The following ANXA2 variants were observed in gnomAD, a reference collection of about 807,000 sequenced individuals.
ANXA2 encodes annexin A2, also known as annexin II.
In ANXA2, 28 loss-of-function variants were observed where a neutral mutation model predicts 47.3. The observed-to-expected ratio is 0.59, with a 90% CI of 0.44 to 0.81. ANXA2 has a LOEUF of 0.81. ANXA2 is among the 40% of genes least tolerant of loss of function. The pLI is 0.00. For missense variants in ANXA2, 384 were observed against 414.3 expected (o/e 0.93, Z 0.64); for synonymous variants, 172 against 155.5 (o/e 1.11, Z -0.79).
intron 3 of ANXA2, among the ~76,000 whole-genome samples, chr15:60,365,105 T>C (rs1367217191): frequency 7.1e-6 from 1 of 141,766 alleles, no homozygotes; most frequent in Non-Finnish European, 1.6e-5. Context: ...GAAGACAAAA[T>C]TGTTTTGTAA....
rs1237196271 is a variant in ANXA2 at position 60,352,265 on chromosome 15, G to T, written c.682+118C>A. The T allele has an allele frequency of 1.5e-6, 1 of 655,518 alleles. No homozygotes were observed. Among genetic ancestry groups the T allele is most frequent in the Admixed American group, 2.9e-5 (1 of 34,752 alleles). The allele number at this position is 655,518 out of a possible 1,614,324, so 40.6% of individuals were successfully genotyped here. On this transcript the variant is annotated intron_variant, in intron 9 of 12. Transcript: ENST00000451270. This position sits in a 1 kb window ranked among gnomAD's most constrained non-coding sequence, Gnocchi z 4.2. ...GGTGAGGGAAAATGGGTGAGCCTATGAGAGTGCCAAGCGGAGACAGAACCT... is the reference window on the plus strand; with the variant it reads ...GGTGAGGGAAAATGGGTGAGCCTATTAGAGTGCCAAGCGGAGACAGAACCT...
chr15:60,386,371 C>A, intron 1 of ANXA2: 1 of 334,754 alleles, frequency 3.0e-6, no homozygotes, highest in Non-Finnish European at 5.5e-6. Flanking sequence ...AAATGTTCCC[C>A]ATGGCTAATG....
In ANXA2 at chr15:60,349,137, T is replaced by A; in HGVS notation, c.898A>T (p.Met300Leu). 1 of 1,614,080 alleles carries A rather than the reference T, an allele frequency of 6.2e-7. No individual in the cohort carries two copies. The highest frequency in any genetic ancestry group is 2.2e-5 in the East Asian group (1 of 44,880). Reference protein sequence around the residue: ...RIMVSRSEVDMLKIRSEFKRK... With the variant: ...RIMVSRSEVDLLKIRSEFKRK... ...TTGAATTCAGACCTAATTTTCAACA[T>A]GTCCACTTCACTGCGGGAGACCATG... The change falls in exon 12 of 13, where the codon ATG (methionine) becomes TTG (leucine). Residue 300 changes from methionine to leucine, a missense_variant. Coordinates refer to ENST00000451270, the MANE Select transcript of ANXA2 (RefSeq NM_004039.3).
At chr15:60,353,986 T>A (rs1459899138) in intron 8 of ANXA2, among the ~76,000 whole-genome samples, 168 bp downstream of exon 8, 1 of 152,218 alleles carries the variant, frequency 6.6e-6, no homozygotes, top group Non-Finnish European at 1.5e-5. Flanking sequence ...ACAATTGGGC[T>A]AATCTACTCC....
At chr15:60,378,458 C>A (rs922366568) in intron 3 of ANXA2, among the ~76,000 whole-genome samples, 3 of 152,128 alleles carry the variant, frequency 2.0e-5, no homozygotes, top group Non-Finnish European at 4.4e-5. Flanking sequence ...AGGAAGTATA[C>A]CTCAAGACAT....
intron 5 of ANXA2, among the ~76,000 whole-genome samples, chr15:60,357,753 C>T (rs1270994529): frequency 6.6e-6 from 1 of 151,036 alleles, no homozygotes; most frequent in Non-Finnish European, 1.5e-5. Context: ...GAGATCGCGC[C>T]ACTGCACTCC....
chr15:60,365,846 C>CTCCCCT, intron 3 of ANXA2, among the ~76,000 whole-genome samples: 1 of 15,140 alleles, frequency 6.6e-5, no homozygotes, highest in East Asian at 9.9e-4. Context: ...CCCTCTCCCT[C>CTCCCCT]TCCCCCTCCC....
intron 3 of ANXA2, among the ~76,000 whole-genome samples, chr15:60,368,174 C>T (rs930361817): frequency 1.4e-5 from 2 of 147,148 alleles, no homozygotes; most frequent in Non-Finnish European, 3.0e-5. Context: ...ACAAACACTG[C>T]GGGAGGCCGC....
chr15:60,385,731 A>G (rs2062923470), intron 2 of ANXA2: 1 of 307,990 alleles, frequency 3.2e-6, no homozygotes, highest in East Asian at 6.2e-5. Flanking sequence ...GTCATGTACC[A>G]TCATAACAGT....
chr15:60,367,134 C>A (rs2062630402), intron 3 of ANXA2, among the ~76,000 whole-genome samples: 3 of 82,182 alleles, frequency 3.7e-5, no homozygotes, highest in Non-Finnish European at 7.5e-5. Context: ...GGTCAGCCCC[C>A]CGCCCGGCCA....
chr15:60,351,035 T>G (rs1194294643), intron 11 of ANXA2, among the ~76,000 whole-genome samples, 158 bp downstream of exon 11: 8 of 152,248 alleles, frequency 5.3e-5, no homozygotes, highest in Admixed American at 5.2e-4. Flanking sequence ...TTTGTGGTTC[T>G]CTCAGCTGTC....
chr15:60,361,147 G>A, intron 4 of ANXA2, 93 bp from the exon 5 acceptor site: 2 of 888,736 alleles, frequency 2.3e-6, no homozygotes, highest in Non-Finnish European at 1.8e-6. Flanking sequence ...TTGTGAAGCA[G>A]GTTGTGAGTC....
chr15:60,379,382 T>A (rs1258281102), intron 3 of ANXA2, among the ~76,000 whole-genome samples: 1 of 152,200 alleles, frequency 6.6e-6, no homozygotes, highest in Non-Finnish European at 1.5e-5. Context: ...AATCTAAAGC[T>A]AGACCACAAA....
chr15:60,381,371 A>AG (rs1435784396), intron 3 of ANXA2, among the ~76,000 whole-genome samples: 1 of 152,142 alleles, frequency 6.6e-6, no homozygotes, highest in South Asian at 2.1e-4. Flanking sequence ...GCTTTATCCA[A>AG]GGGGGGAAAA....
intron 3 of ANXA2, among the ~76,000 whole-genome samples, chr15:60,367,066 G>A (rs868338125): frequency 0.17 from 2,422 of 14,002 alleles, 649 homozygotes; most frequent in Admixed American, 0.3. Context: ...TCCGGGAGGG[G>A]GGAGGGGGGA....
intron 2 of ANXA2, among the ~76,000 whole-genome samples, chr15:60,385,011 G>C (rs981799389): frequency 1.3e-5 from 2 of 152,126 alleles, no homozygotes; most frequent in African/African-American, 2.4e-5. Context: ...TATTCCACTT[G>C]ATTCTAAAAG....
chr15:60,355,823 C>T (rs747560835), intron 7 of ANXA2, 96 bp downstream of exon 7: 3 of 1,032,756 alleles, frequency 2.9e-6, no homozygotes, highest in Non-Finnish European at 4.6e-6. Flanking sequence ...CTGATGCAGG[C>T]ACAGGGGATT....
intron 2 of ANXA2, chr15:60,384,720 A>G (rs2062910004): frequency 6.6e-6 from 1 of 152,248 alleles, no homozygotes; most frequent in South Asian, 2.1e-4. Context: ...TAGGCTTTAT[A>G]CTCCATACAA....
At chr15:60,389,290 G>C (rs895385682) in intron 1 of ANXA2, among the ~76,000 whole-genome samples, 2 of 152,244 alleles carry the variant, frequency 1.3e-5, no homozygotes, top group African/African-American at 4.8e-5. Context: ...TTTCCACTTA[G>C]AGAGTATAGA....
Sources: allele counts gnomAD v4.1 joint callset (sites outside exome capture counted in the v4.1 genomes callset), GRCh38; gene constraint gnomAD v4.1.1; non-coding constraint Gnocchi (gnomAD v3.1); transcripts MANE v1.5; gene names NCBI Gene and HGNC (gene_info 2026-07-23, HGNC 2026-07-21).